CUBN: variants seen among roughly 807,000 people sequenced by gnomAD.
The protein encoded by CUBN is cubilin, also known as 460 kDa receptor.
A neutral mutation model predicts 405.3 loss-of-function variants in CUBN; 282 were observed. That is an observed-to-expected ratio of 0.70 (90% CI 0.63 to 0.77). CUBN has a LOEUF of 0.77. Ranked by LOEUF, CUBN falls within the 30% of genes least tolerant of loss-of-function variation. The pLI is 0.00. For missense variants in CUBN, 4,514 were observed against 4,475.2 expected (o/e 1.01, Z -0.25); for synonymous variants, 1,684 against 1,617.0 (o/e 1.04, Z -0.99).
chr10:16,939,469 T>G (rs968813050), intron 37 of CUBN, among the ~76,000 whole-genome samples: 2 of 152,296 alleles, frequency 1.3e-5, no homozygotes, highest in Admixed American at 6.5e-5. Context: ...TCTATTTTAC[T>G]TTGTTTTTCA....
rs755610618 is a variant in CUBN at position 17,109,701 on chromosome 10, T to A, written c.1050A>T (p.Thr350=). 1.2e-6 allele frequency: 2 copies of A among 1,613,908 alleles called. No homozygotes were observed. Among genetic ancestry groups the A allele is most frequent in the Non-Finnish European group, 1.7e-6 (2 of 1,179,960 alleles). The change falls in exon 10 of 67, where the codon ACA becomes ACT. Residue 350 remains threonine, a synonymous_variant. Transcript: ENST00000377833. The stretch of plus-strand genomic sequence containing the variant: ...CTCCATTACTGACTGAGCAGATGTC[T>A]GTGAGTGTGCACACTCTTCCGTCAC... The part of the protein sequence containing the change: ...YQGDGRVCTL[T]DICSVSNGGC...
intron 39 of CUBN, among the ~76,000 whole-genome samples, chr10:16,937,274 T>C (rs1257821292): frequency 6.6e-6 from 1 of 152,174 alleles, no homozygotes; most frequent in Non-Finnish European, 1.5e-5. Context: ...TGTGTGTGAA[T>C]GTACATGTGT....
At chr10:16,973,868 C>T (rs1833012204) in intron 31 of CUBN, among the ~76,000 whole-genome samples, 1 of 152,162 alleles carries the variant, frequency 6.6e-6, no homozygotes, top group Admixed American at 6.5e-5. Context: ...ATACGTAGCA[C>T]GTTTTCTTCA....
intron 4 of CUBN, among the ~76,000 whole-genome samples, chr10:17,125,886 G>A (rs1438983077): frequency 6.6e-6 from 1 of 152,008 alleles, no homozygotes; most frequent in African/African-American, 2.4e-5. Flanking sequence ...ACAGCTGAGG[G>A]GTCAATGTAT....
At chr10:17,068,453 T>C (rs961894837) in intron 20 of CUBN, 152 bp downstream of exon 20, 2 of 923,730 alleles carry the variant, frequency 2.2e-6, no homozygotes, top group Non-Finnish European at 3.3e-6. Flanking sequence ...ACTTTTGATA[T>C]AAATGTTGAT....
At chr10:16,939,395 C>T (rs578246094) in intron 37 of CUBN, among the ~76,000 whole-genome samples, 1 of 152,102 alleles carries the variant, frequency 6.6e-6, no homozygotes, top group African/African-American at 2.4e-5. Flanking sequence ...GGGTTCTGAG[C>T]CCCTAGGGGA....
At chr10:17,117,219 T>G (rs1426656592) in intron 6 of CUBN, among the ~76,000 whole-genome samples, 2 of 152,210 alleles carry the variant, frequency 1.3e-5, no homozygotes, top group African/African-American at 2.4e-5. Flanking sequence ...CATAGAATAT[T>G]TGTATAGAGA....
chr10:16,861,216 C>A (rs1182972737), intron 59 of CUBN, among the ~76,000 whole-genome samples: 1 of 151,064 alleles, frequency 6.6e-6, no homozygotes, highest in Non-Finnish European at 1.5e-5. Context: ...GGCTGGAGTG[C>A]AGTGCTGTGA....
chr10:16,902,901 A>G (rs1336074172), intron 51 of CUBN, among the ~76,000 whole-genome samples: 4 of 152,120 alleles, frequency 2.6e-5, no homozygotes, highest in Admixed American at 2.6e-4. Context: ...TGGAATTGAG[A>G]CTTTTACAAG....
At chr10:16,980,341 G>A (rs1833229310) in intron 31 of CUBN, among the ~76,000 whole-genome samples, 2 of 152,178 alleles carry the variant, frequency 1.3e-5, no homozygotes, top group Middle Eastern at 3.2e-3. Context: ...CCATTACTGG[G>A]TATATAACCA....
chr10:17,020,234 T>C (rs1361471892), intron 27 of CUBN, among the ~76,000 whole-genome samples: 1 of 152,182 alleles, frequency 6.6e-6, no homozygotes, highest in African/African-American at 2.4e-5. Flanking sequence ...TGGTTTTATG[T>C]CAACCTAGCA....
chr10:17,039,563 C>T (rs968397690), intron 27 of CUBN, among the ~76,000 whole-genome samples: 1 of 152,126 alleles, frequency 6.6e-6, no homozygotes, highest in African/African-American at 2.4e-5. Flanking sequence ...AGCAACTTTT[C>T]TGCTTTTTCT....
intron 32 of CUBN, among the ~76,000 whole-genome samples, chr10:16,953,594 C>T (rs1399403011): frequency 1.3e-5 from 2 of 151,942 alleles, no homozygotes; most frequent in African/African-American, 2.4e-5. Context: ...GATTTAAGAA[C>T]AAAAATGGCC....
chr10:17,102,843 C>T (rs1297312201), intron 13 of CUBN, among the ~76,000 whole-genome samples: 1 of 151,852 alleles, frequency 6.6e-6, no homozygotes, highest in African/African-American at 2.4e-5. Context: ...GTCTGGAACT[C>T]CTGACCTCAG....
At chr10:16,879,923 C>T (rs1204399382) in intron 56 of CUBN, among the ~76,000 whole-genome samples, 1 of 152,204 alleles carries the variant, frequency 6.6e-6, no homozygotes, top group African/African-American at 2.4e-5. Flanking sequence ...TAGAAGCCAT[C>T]TCTCTTTCTG....
At chr10:17,046,172 T>A in intron 23 of CUBN, 78 bp from the exon 24 acceptor site, 1 of 1,370,288 alleles carries the variant, frequency 7.3e-7, no homozygotes, top group Non-Finnish European at 1.0e-6. Flanking sequence ...ATTTGAACTT[T>A]GGGATTGCAA....
intron 27 of CUBN, among the ~76,000 whole-genome samples, chr10:17,033,063 G>GT (rs201964376): frequency 0.057 from 8,675 of 152,152 alleles, 839 homozygotes; most frequent in African/African-American, 0.2. Flanking sequence ...CCTCCCTCCA[G>GT]TTTATTCTGG....
chr10:17,098,909 A>G (rs1300789484), intron 14 of CUBN, among the ~76,000 whole-genome samples: 1 of 152,226 alleles, frequency 6.6e-6, no homozygotes, highest in African/African-American at 2.4e-5. Context: ...ATAAATGAAA[A>G]GAGAACTAAA....
chr10:17,057,432 C>A (rs375544594), intron 22 of CUBN, among the ~76,000 whole-genome samples: 5 of 152,166 alleles, frequency 3.3e-5, no homozygotes, highest in African/African-American at 1.2e-4. Flanking sequence ...CCTGTTTTAG[C>A]CAGTCTTCCA....
Sources: gnomAD v4.1 joint callset for allele counts (sites outside exome capture counted in the v4.1 genomes callset) on GRCh38, gnomAD v4.1.1 for gene constraint, MANE v1.5 for transcripts, NCBI Gene and HGNC (gene_info 2026-07-23, HGNC 2026-07-21) for gene names.